Variants in TNRC6C observed in about 807,000 individuals in gnomAD.
The protein encoded by TNRC6C is trinucleotide repeat-containing gene 6C protein.
TNRC6C carries 20 observed loss-of-function variants against 153.7 expected under a neutral mutation model. The ratio of observed to expected loss-of-function variants is 0.13; its 90% CI spans 0.09 to 0.19. TNRC6C has a LOEUF of 0.19. Ranked by LOEUF, TNRC6C falls within the 10% of genes least tolerant of loss-of-function variation. TNRC6C has a pLI of 1.00. For synonymous variants in TNRC6C, 811 were observed against 841.4 expected (o/e 0.96, Z 0.63); for missense variants, 1,987 against 2,172.0 (o/e 0.91, Z 1.69).
At chr17:78,050,463 G>C (rs772949665) in exon 3 of TNRC6C, 1 of 1,614,026 alleles carries the variant, frequency 6.2e-7, no homozygotes, top group Non-Finnish European at 8.5e-7. Context: ...AATCCCCTAG[G>C]TCTGAAAGGA....
Position 78,086,328 on chromosome 17 carries a change from T to TAAAAA in TNRC6C, c.3478-147_3478-143dup, listed in dbSNP as rs58348772. 1.1e-3 allele frequency among the ~76,000 whole-genome samples: 61 copies of TAAAAA among 53,368 alleles called. 2 individuals are homozygous for TAAAAA. The highest frequency in any genetic ancestry group is 2.7e-3 in the African/African-American group (46 of 17,052). 35.0% of individuals were successfully genotyped at this position (53,368 alleles called of 152,430 possible). On this transcript the variant is annotated intron_variant, in intron 11 of 19. Coordinates refer to ENST00000301624, the Ensembl canonical transcript of TNRC6C. Reference sequence around the variant, plus strand: ...CTGGATGACAGAGCGAGACTCCATCTAAAAAAAAAAAAAAAAAAAAAAAAA... The same window carrying TAAAAA: ...CTGGATGACAGAGCGAGACTCCATCTAAAAAAAAAAAAAAAAAAAAAAAAAAAAAA...
At chr17:78,029,564 G>C (rs1455241742) in intron 1 of TNRC6C, among the ~76,000 whole-genome samples, 1 of 152,152 alleles carries the variant, frequency 6.6e-6, no homozygotes, top group Non-Finnish European at 1.5e-5. Flanking sequence ...AGTGGTGAGT[G>C]AATGTGAAGG....
chr17:78,036,221 T>C (rs2072175391), intron 2 of TNRC6C, among the ~76,000 whole-genome samples: 1 of 152,222 alleles, frequency 6.6e-6, no homozygotes. Context: ...ACGTAAACTC[T>C]TTGTGCCCTC....
At chr17:78,069,635 AAG>A (rs2072952147) in intron 5 of TNRC6C, among the ~76,000 whole-genome samples, 1 of 152,240 alleles carries the variant, frequency 6.6e-6, no homozygotes, top group Admixed American at 6.5e-5. Context: ...TTGTAGTAAA[AAG>A]ATAACAATAA....
At chr17:77,987,377 C>T (rs2071184334) in intron 1 of TNRC6C, among the ~76,000 whole-genome samples, 2 of 152,164 alleles carry the variant, frequency 1.3e-5, no homozygotes, top group Admixed American at 1.3e-4. Context: ...CACTTGTATT[C>T]AGCTAATAAA....
chr17:78,092,820 G>C, intron 14 of TNRC6C, 113 bp from the exon 17 acceptor site: 1 of 775,166 alleles, frequency 1.3e-6, no homozygotes, highest in African/African-American at 1.7e-5. Context: ...TAACTGAATA[G>C]GGCAAGGCAT....
chr17:78,003,430 G>A (rs1443522041), upstream of TNRC6C, among the ~76,000 whole-genome samples: 1 of 152,150 alleles, frequency 6.6e-6, no homozygotes, highest in Non-Finnish European at 1.5e-5. Flanking sequence ...CAAGAACAGG[G>A]TGTTGTGGAA....
At chr17:77,966,086 G>GGA (rs1223804744) in intron 1 of TNRC6C, among the ~76,000 whole-genome samples, 1 of 152,208 alleles carries the variant, frequency 6.6e-6, no homozygotes, top group African/African-American at 2.4e-5. Flanking sequence ...TATTCTACAA[G>GGA]GAGACGAATG....
chr17:78,066,958 AG>A (rs2072892014), intron 4 of TNRC6C: 1 of 152,248 alleles, frequency 6.6e-6, no homozygotes, highest in Non-Finnish European at 1.5e-5. Context: ...TGCTCATTTC[AG>A]CAGCACATGT....
chr17:78,103,134 G>A (rs976259192), intron 18 of TNRC6C, among the ~76,000 whole-genome samples: 7 of 152,206 alleles, frequency 4.6e-5, no homozygotes, highest in African/African-American at 7.2e-5. Flanking sequence ...TCTGTGCGAC[G>A]TGCTCTGGTG....
At chr17:78,033,924 G>A (rs1420980570) in intron 2 of TNRC6C, among the ~76,000 whole-genome samples, 1 of 152,044 alleles carries the variant, frequency 6.6e-6, no homozygotes, top group African/African-American at 2.4e-5. Flanking sequence ...CACTGACGAG[G>A]GGTCCCCTCA....
intron 1 of TNRC6C, among the ~76,000 whole-genome samples, chr17:77,966,647 C>T (rs1051476326): frequency 1.3e-5 from 2 of 152,012 alleles, no homozygotes; most frequent in Admixed American, 6.5e-5. Context: ...TAGTTTTAGG[C>T]GAGTTTATTG....
chr17:77,978,041 G>A lies in TNRC6C; in HGVS notation c.-38+18773G>A, dbSNP rs568034192. On this transcript the variant is annotated intron_variant, in intron 1 of 22. Transcript: ENST00000636222. The stretch of plus-strand genomic sequence containing the variant: ...CTCCTGGGTAGCTGGGACTACAGGC[G>A]CCCGCCACCACGCCCAGCTAATTTT... 9.2e-5 allele frequency among the ~76,000 whole-genome samples: 14 copies of A among 151,774 alleles called. No individual in the cohort carries two copies. The South Asian group carries it at 2.5e-3, about 27-fold the overall frequency.
intron 1 of TNRC6C, among the ~76,000 whole-genome samples, chr17:77,973,486 C>G (rs144291364): frequency 1.3e-5 from 2 of 152,248 alleles, no homozygotes; most frequent in African/African-American, 4.8e-5. Context: ...GAGCTTCTAG[C>G]CTATGTAGTC....
chr17:78,004,496 T>G (rs2071462851), upstream of TNRC6C, among the ~76,000 whole-genome samples: 1 of 152,216 alleles, frequency 6.6e-6, no homozygotes, highest in African/African-American at 2.4e-5. Context: ...GGAAGCTGTG[T>G]TTTAGTTGCT....
At chr17:78,005,003 C>T, upstream of TNRC6C, 1 of 1,162,992 alleles carries the variant, frequency 8.6e-7, no homozygotes, top group Non-Finnish European at 1.1e-6. Flanking sequence ...GTACATTCTA[C>T]ACATTATTCC....
intron 4 of TNRC6C, among the ~76,000 whole-genome samples, chr17:78,065,617 AG>A (rs2072860411): frequency 6.6e-6 from 1 of 152,196 alleles, no homozygotes; most frequent in African/African-American, 2.4e-5. Context: ...CCTTGAGATT[AG>A]TTTTTGAAAA....
chr17:78,058,323 A>G (rs991563833), intron 3 of TNRC6C, among the ~76,000 whole-genome samples: 1 of 152,236 alleles, frequency 6.6e-6, no homozygotes, highest in African/African-American at 2.4e-5. Flanking sequence ...ACTCAGCAAC[A>G]TGATTACCTC....
At chr17:78,014,695 G>C (rs2071696203) in intron 1 of TNRC6C, among the ~76,000 whole-genome samples, 2 of 150,676 alleles carry the variant, frequency 1.3e-5, no homozygotes, top group South Asian at 4.3e-4. Context: ...TGCTAGAGTA[G>C]AAAATACCTC....
Sources: gnomAD v4.1 joint callset for allele counts (sites outside exome capture counted in the v4.1 genomes callset) on GRCh38, gnomAD v4.1.1 for gene constraint, MANE v1.5 for transcripts, NCBI Gene and HGNC (gene_info 2026-07-23, HGNC 2026-07-21) for gene names.